The following CADM1 variants were observed in gnomAD, a reference collection of about 807,000 sequenced individuals.
The protein encoded by CADM1 is TSLC-1.
Under a neutral mutation model 53.1 loss-of-function variants are expected in CADM1, and 15 were observed. The ratio of observed to expected loss-of-function variants is 0.28; its 90% CI spans 0.19 to 0.44. CADM1 has a LOEUF of 0.44. CADM1 is among the 20% of genes least tolerant of loss of function. The pLI is 1.00. For synonymous variants in CADM1, 281 were observed against 243.0 expected (o/e 1.16, Z -1.45); for missense variants, 434 against 611.3 (o/e 0.71, Z 3.06).
At chr11:115,222,895 T>C (rs1000756557) in intron 5 of CADM1, among the ~76,000 whole-genome samples, 2 of 152,172 alleles carry the variant, frequency 1.3e-5, no homozygotes, top group African/African-American at 4.8e-5. Context: ...AAGCAAACAC[T>C]GGGCAAGAAA....
At chr11:115,287,332 GGAAGAAAGAAAC>G (rs1175929210) in intron 1 of CADM1, 1 of 152,166 alleles carries the variant, frequency 6.6e-6, no homozygotes, top group African/African-American at 2.4e-5. Context: ...TATGATGGAC[GGAAGAAAGAAAC>G]GAAGAAAGGG....
intron 8 of CADM1, among the ~76,000 whole-genome samples, chr11:115,206,190 C>T (rs1213848032): frequency 6.6e-6 from 1 of 152,180 alleles, no homozygotes; most frequent in African/African-American, 2.4e-5. Flanking sequence ...CTGTTGAATA[C>T]GTATTGCTTT....
At chr11:115,346,072 G>C (rs990284974) in intron 1 of CADM1, among the ~76,000 whole-genome samples, 1 of 146,940 alleles carries the variant, frequency 6.8e-6, no homozygotes, top group African/African-American at 2.5e-5. Context: ...CTGCTCACGT[G>C]AATCATATTA....
chr11:115,312,517 C>T (rs1208612661), intron 1 of CADM1, among the ~76,000 whole-genome samples: 2 of 152,138 alleles, frequency 1.3e-5, no homozygotes, highest in African/African-American at 2.4e-5. Context: ...TCAGGAAAAA[C>T]ACCTACTTCT....
At chr11:115,462,934 T>G (rs1948826532) in intron 1 of CADM1, among the ~76,000 whole-genome samples, 1 of 152,040 alleles carries the variant, frequency 6.6e-6, no homozygotes, top group South Asian at 2.1e-4. Context: ...TGAAGAGGGA[T>G]GAAGTAGTAG....
At chr11:115,182,638 ACTC>A (rs1374960294) in intron 10 of CADM1, among the ~76,000 whole-genome samples, 2 of 151,760 alleles carry the variant, frequency 1.3e-5, no homozygotes, top group Admixed American at 1.3e-4. Context: ...GTCACCCTTC[ACTC>A]CTCCTCAGAG....
At chr11:115,298,847 C>T (rs1220532492) in intron 1 of CADM1, among the ~76,000 whole-genome samples, 2 of 152,190 alleles carry the variant, frequency 1.3e-5, no homozygotes, top group African/African-American at 4.8e-5. Context: ...TTCTCGGTTA[C>T]AGTGGTTCTC....
chr11:115,303,570 A>AG (rs779221183), intron 1 of CADM1, among the ~76,000 whole-genome samples: 13 of 152,190 alleles, frequency 8.5e-5, no homozygotes, highest in Non-Finnish European at 1.8e-4. Context: ...TGGGTCTCAT[A>AG]GGTCATTAGT....
chr11:115,474,290 CAAAAAAAAAAAAAAAAAAA>C (rs60168853), intron 1 of CADM1, among the ~76,000 whole-genome samples: 1 of 20,214 alleles, frequency 4.9e-5, no homozygotes, highest in Admixed American at 7.0e-4. Flanking sequence ...GACTCCATCT[CAAAAAAAAAAAAAAAAAAA>C]AAAAAAAAAT....
At chr11:115,325,366 G>T (rs185526523) in intron 1 of CADM1, among the ~76,000 whole-genome samples, 8 of 152,282 alleles carry the variant, frequency 5.3e-5, no homozygotes, top group Admixed American at 3.3e-4. Context: ...AAAAGAAGTG[G>T]TGGGGGGCAG....
chr11:115,248,296 C>A (rs1467072862), intron 1 of CADM1, among the ~76,000 whole-genome samples: 1 of 152,190 alleles, frequency 6.6e-6, no homozygotes, highest in Non-Finnish European at 1.5e-5. Flanking sequence ...CCTGCCTGTA[C>A]TATTACAATT....
intron 1 of CADM1, among the ~76,000 whole-genome samples, chr11:115,270,868 T>C (rs1260402089): frequency 1.3e-5 from 2 of 152,238 alleles, no homozygotes; most frequent in Non-Finnish European, 2.9e-5. Context: ...ACATGGTTAA[T>C]AAATCACTTT....
chr11:115,302,019 G>A (rs1944236035), intron 1 of CADM1, among the ~76,000 whole-genome samples: 2 of 151,864 alleles, frequency 1.3e-5, no homozygotes, highest in Admixed American at 1.3e-4. Flanking sequence ...ATGATATCAG[G>A]TAAAGCATTC....
chr11:115,228,223 T>C (rs1460334779), intron 5 of CADM1, among the ~76,000 whole-genome samples: 1 of 152,204 alleles, frequency 6.6e-6, no homozygotes, highest in Non-Finnish European at 1.5e-5. Context: ...GCCAAAACCT[T>C]GATTTTGGAC....
chr11:115,500,577 T>C (rs1418226324), intron 1 of CADM1, among the ~76,000 whole-genome samples: 1 of 152,224 alleles, frequency 6.6e-6, no homozygotes, highest in Non-Finnish European at 1.5e-5. Context: ...ATGCTGGTTT[T>C]CACAGCATTT....
intron 1 of CADM1, among the ~76,000 whole-genome samples, chr11:115,400,661 G>GTGTGTATATATA (rs1295332849): frequency 4.3e-5 from 2 of 46,558 alleles, no homozygotes; most frequent in Admixed American, 2.5e-4. Context: ...GTGTGTGTGT[G>GTGTGTATATATA]TATATATATA....
intron 1 of CADM1, among the ~76,000 whole-genome samples, chr11:115,280,538 C>T (rs1004802899): frequency 6.6e-6 from 1 of 152,132 alleles, no homozygotes; most frequent in Non-Finnish European, 1.5e-5. Context: ...TTAGTCCTAC[C>T]GAATGAACTT....
chr11:115,473,410 T>C (rs989415037), intron 1 of CADM1, among the ~76,000 whole-genome samples: 3 of 152,074 alleles, frequency 2.0e-5, no homozygotes, highest in Non-Finnish European at 4.4e-5. Flanking sequence ...AGTGAGCCAT[T>C]ATGCCGCCAC....
intron 1 of CADM1, among the ~76,000 whole-genome samples, chr11:115,358,867 C>A (rs1424627828): frequency 6.6e-6 from 1 of 152,064 alleles, no homozygotes; most frequent in East Asian, 1.9e-4. Flanking sequence ...TTTGCAAATG[C>A]AACATGCAAA....
Sources: gnomAD v4.1 joint callset for allele counts (sites outside exome capture counted in the v4.1 genomes callset) on GRCh38, gnomAD v4.1.1 for gene constraint, MANE v1.5 for transcripts, NCBI Gene and HGNC (gene_info 2026-07-23, HGNC 2026-07-21) for gene names.